The following PALLD variants were observed in gnomAD, a reference collection of about 807,000 sequenced individuals.
PALLD encodes the protein palladin.
In PALLD, 61 loss-of-function variants were observed where a neutral mutation model predicts 123.5. The observed-to-expected ratio is 0.49, with a 90% CI of 0.40 to 0.61. The LOEUF is 0.61. Among genes scored for constraint, PALLD ranks in the 20% least tolerant of loss-of-function variants. The pLI is 0.00. For missense variants in PALLD, 1,273 were observed against 1,377.0 expected (o/e 0.92, Z 1.20); for synonymous variants, 465 against 496.4 (o/e 0.94, Z 0.84).
At chr4:168,598,616 C>G (rs975346562) in intron 2 of PALLD, 14 of 324,880 alleles carry the variant, frequency 4.3e-5, no homozygotes, top group Non-Finnish European at 7.5e-5. Context: ...CTCTTTAATA[C>G]CAGCTATATT....
intron 10 of PALLD, among the ~76,000 whole-genome samples, chr4:168,856,617 T>A (rs1013958549): frequency 6.6e-6 from 1 of 152,242 alleles, no homozygotes; most frequent in Non-Finnish European, 1.5e-5. Context: ...CATTTTTTCA[T>A]GTTTGTCAGC....
At chr4:168,816,415 T>TATATATA (rs35097396) in intron 10 of PALLD, among the ~76,000 whole-genome samples, 1,726 of 136,042 alleles carry the variant, frequency 0.013, 19 homozygotes, top group Non-Finnish European at 0.016. Context: ...ATATATATAT[T>TATATATA]TTTTTTAAGT....
chr4:168,548,650 A>C (rs1338715284), intron 2 of PALLD, among the ~76,000 whole-genome samples: 1 of 152,190 alleles, frequency 6.6e-6, no homozygotes, highest in Non-Finnish European at 1.5e-5. Context: ...ATTGTAGGAG[A>C]GACAAAGTAA....
At chr4:168,551,201 G>C (rs550030246) in intron 2 of PALLD, among the ~76,000 whole-genome samples, 1 of 152,120 alleles carries the variant, frequency 6.6e-6, no homozygotes, top group Non-Finnish European at 1.5e-5. Context: ...CTATTTTTAT[G>C]TGCATTTTTG....
chr4:168,880,289 T>C (rs1483154753), intron 10 of PALLD, among the ~76,000 whole-genome samples: 1 of 152,212 alleles, frequency 6.6e-6, no homozygotes, highest in East Asian at 1.9e-4. Context: ...AAGAGTCCAG[T>C]CGTTCCTGCC....
chr4:168,581,733 AT>A (rs1286574459), intron 2 of PALLD, among the ~76,000 whole-genome samples: 1 of 151,980 alleles, frequency 6.6e-6, no homozygotes, highest in Non-Finnish European at 1.5e-5. Flanking sequence ...TCTGTTGACT[AT>A]TTCCTTTGCT....
chr4:168,593,472 A>G (rs1394984432), intron 2 of PALLD, among the ~76,000 whole-genome samples: 1 of 151,600 alleles, frequency 6.6e-6, no homozygotes. Flanking sequence ...GAGTCCAATC[A>G]AAAGTTCAGC....
chr4:168,867,810 T>C (rs770782211), intron 10 of PALLD, among the ~76,000 whole-genome samples: 1 of 151,768 alleles, frequency 6.6e-6, no homozygotes, highest in Non-Finnish European at 1.5e-5. Context: ...TGTGTCTCCA[T>C]CTACATATCA....
In PALLD at chr4:168,717,725, A is replaced by G. The variant is rs146117079; in HGVS notation, c.1964+5802A>G. ...ATCAACTCCAGAGTTTTCCCACATT[A>G]CAGTACTTTTCCAACTGACATCATT... On this transcript the variant is annotated intron_variant, in intron 10 of 21. Coordinates refer to ENST00000505667, the MANE Select transcript of PALLD (RefSeq NM_001166108.2). 1.9e-3 allele frequency among the ~76,000 whole-genome samples: 288 copies of G among 152,262 alleles called. 4 individuals carry two copies. The highest frequency in any genetic ancestry group is 4.6e-3 in the East Asian group (24 of 5,180).
At chr4:168,614,607 C>G (rs1384045029) in intron 2 of PALLD, among the ~76,000 whole-genome samples, 4 of 152,118 alleles carry the variant, frequency 2.6e-5, no homozygotes, top group Non-Finnish European at 5.9e-5. Context: ...TTTGCCTTTG[C>G]TTTTGCATAG....
chr4:168,755,095 T>A (rs889779953), intron 10 of PALLD, among the ~76,000 whole-genome samples: 16 of 151,638 alleles, frequency 1.1e-4, no homozygotes, highest in Non-Finnish European at 1.3e-4. Flanking sequence ...TAGCCAGGCG[T>A]GGTGGCGGGC....
At position 168,878,258 on chromosome 4, in the gene PALLD, G is replaced by A; in HGVS notation, c.1965-12664G>A. 6.6e-7 allele frequency: 1 copy of A among 1,525,412 alleles called. No homozygotes were observed. The highest frequency in any genetic ancestry group is 8.7e-7 in the Non-Finnish European group (1 of 1,143,396). 94.5% of individuals were successfully genotyped at this position (1,525,412 alleles called of 1,614,324 possible). On this transcript the variant is annotated intron_variant, in intron 10 of 21. Transcript: ENST00000505667. ...ACCGCCGCTCCCGAGCCCGGGACAG[G>A]CGTCCCACTGCTCGTCGCCTGCCAC...
At chr4:168,714,988 A>T (rs1785206923) in intron 10 of PALLD, among the ~76,000 whole-genome samples, 1 of 152,048 alleles carries the variant, frequency 6.6e-6, no homozygotes, top group Non-Finnish European at 1.5e-5. Flanking sequence ...AACTAGGCCC[A>T]GCCCCCACCC....
chr4:168,836,997 T>G lies in PALLD; in HGVS notation c.1965-53925T>G, dbSNP rs187609009. ...TTAAGGTTTTTAATTCCAGTTACAA[T>G]GGCAAAAGGGACTCCACCTTCTCTC... On this transcript the variant is annotated intron_variant, in intron 10 of 21. Coordinates refer to ENST00000505667, the MANE Select transcript of PALLD (RefSeq NM_001166108.2). Among the ~76,000 whole-genome samples the G allele has an allele frequency of 1.6e-3, 240 of 152,316 alleles. 1 individual carries two copies. The highest frequency in any genetic ancestry group is 5.6e-3 in the African/African-American group (231 of 41,556).
In PALLD at chr4:168,844,309, CA is replaced by C. The variant is rs1746478096; in HGVS notation, c.1965-46611del. 1 of 152,246 alleles carries C rather than the reference CA, an allele frequency of 6.6e-6. No homozygotes were observed. The allele number at this position is 152,246 out of a possible 1,614,324, so 9.4% of individuals were successfully genotyped here. On this transcript the variant is annotated intron_variant, in intron 10 of 21. Transcript: ENST00000505667. The surrounding 1 kb of genome is among the most constrained non-coding windows in gnomAD (Gnocchi z 4.5). ...AAGTGAACTGCTTTATCCATTTAGT[CA>C]ATACATATTCAGTGATGCTGGTTAT...
At chr4:168,631,125 A>G (rs971044524) in intron 2 of PALLD, among the ~76,000 whole-genome samples, 9 of 152,212 alleles carry the variant, frequency 5.9e-5, no homozygotes, top group Non-Finnish European at 1.3e-4. Flanking sequence ...GCTTACTTGT[A>G]ATGGGGTAAT....
chr4:168,586,786 C>T (rs1770866009), intron 2 of PALLD, among the ~76,000 whole-genome samples: 1 of 152,054 alleles, frequency 6.6e-6, no homozygotes, highest in Non-Finnish European at 1.5e-5. Flanking sequence ...CCCTTATATA[C>T]CAAATCATCA....
intron 16 of PALLD, among the ~76,000 whole-genome samples, chr4:168,915,553 C>T (rs2151421687): frequency 6.6e-6 from 1 of 152,214 alleles, no homozygotes; most frequent in African/African-American, 2.4e-5. Context: ...CTAGTAACTT[C>T]TGTTGAAAAA....
intron 8 of PALLD, among the ~76,000 whole-genome samples, chr4:168,702,938 A>G (rs1783826180): frequency 6.7e-6 from 1 of 148,656 alleles, no homozygotes; most frequent in South Asian, 2.1e-4. Context: ...TTTAAGTTTT[A>G]GGGTACATGT....
Sources: gnomAD v4.1 joint callset for allele counts (sites outside exome capture counted in the v4.1 genomes callset) on GRCh38, gnomAD v4.1.1 for gene constraint, Gnocchi (gnomAD v3.1) non-coding constraint, MANE v1.5 for transcripts, NCBI Gene and HGNC (gene_info 2026-07-23, HGNC 2026-07-21) for gene names.